Variants in ASAP1 observed in about 807,000 individuals in gnomAD.
ASAP1 encodes arf-GAP with SH3 domain, ANK repeat and PH domain-containing protein 1.
Under a neutral mutation model 145.2 loss-of-function variants are expected in ASAP1, and 43 were observed. The ratio of observed to expected loss-of-function variants is 0.30; its 90% CI spans 0.23 to 0.38. The LOEUF is 0.38. ASAP1 is among the 10% of genes least tolerant of loss of function. ASAP1 has a pLI of 1.00. For missense variants in ASAP1, 1,018 were observed against 1,355.3 expected (o/e 0.75, Z 3.91); for synonymous variants, 546 against 515.5 (o/e 1.06, Z -0.80).
At chr8:130,361,738 T>C in intron 2 of ASAP1, 2 of 1,535,714 alleles carry the variant, frequency 1.3e-6, no homozygotes, top group South Asian at 1.2e-5. Flanking sequence ...CACCTCTCAT[T>C]TTCTCAAATA....
At chr8:130,230,665 T>C (rs1351817620) in intron 4 of ASAP1, among the ~76,000 whole-genome samples, 2 of 152,212 alleles carry the variant, frequency 1.3e-5, no homozygotes, top group Admixed American at 6.5e-5. Context: ...AGTATTTCTA[T>C]CTAAAGCCTT....
intron 3 of ASAP1, among the ~76,000 whole-genome samples, chr8:130,256,759 A>ATATATATATATCCT (rs1819575811): frequency 6.3e-5 from 6 of 95,740 alleles, no homozygotes; most frequent in South Asian, 4.9e-4. Context: ...ATATATATAT[A>ATATATATATATCCT]TATATATATA....
intron 3 of ASAP1, among the ~76,000 whole-genome samples, chr8:130,293,807 A>G (rs1415887551): frequency 6.6e-6 from 1 of 152,228 alleles, no homozygotes; most frequent in Non-Finnish European, 1.5e-5. Flanking sequence ...GTGCTCAAAT[A>G]TCTGTAAAAA....
At chr8:130,072,825 G>GTGCGCGCGCGCGCGCGCGCGCGCGCGCA in intron 27 of ASAP1, among the ~76,000 whole-genome samples, 1 of 54,098 alleles carries the variant, frequency 1.8e-5, no homozygotes, top group African/African-American at 9.1e-5. Flanking sequence ...GTGTGTGTGT[G>GTGCGCGCGCGCGCGCGCGCGCGCGCGCA]CGCGCGGGGG....
rs376038180 is a variant in ASAP1, at chr8:130,168,353, C to A, written c.822+639G>T. On this transcript the variant is annotated intron_variant, in intron 10 of 29. Coordinates refer to ENST00000518721, the MANE Select transcript of ASAP1 (RefSeq NM_018482.4). ...AAAACAAAACAAAACAAAACAAAAA[C>A]CCTTATAAATCAAAGGCGTGGTGGC... Among the ~76,000 whole-genome samples, 179 of 151,992 alleles carry A rather than the reference C, an allele frequency of 1.2e-3. 2 individuals are homozygous for A. The South Asian group carries it at 0.035, about 30-fold the overall frequency.
intron 24 of ASAP1, among the ~76,000 whole-genome samples, chr8:130,100,865 T>C (rs2097527601): frequency 6.6e-6 from 1 of 152,220 alleles, no homozygotes; most frequent in Admixed American, 6.5e-5. Flanking sequence ...GTCTATTTTT[T>C]TGTTGCCTGT....
intron 6 of ASAP1, among the ~76,000 whole-genome samples, chr8:130,187,595 T>TTCTGTCTA (rs1217614880): frequency 1.3e-5 from 2 of 152,228 alleles, no homozygotes; most frequent in East Asian, 3.9e-4. Flanking sequence ...CTTGTACTTC[T>TTCTGTCTA]TCTGTAGACA....
intron 1 of ASAP1, among the ~76,000 whole-genome samples, chr8:130,416,295 G>A (rs541005408): frequency 1.6e-4 from 24 of 152,296 alleles, no homozygotes; most frequent in African/African-American, 5.5e-4. Context: ...CCCACACTCC[G>A]TCTCTTCCTC....
At chr8:130,062,207 C>T (rs966267111) in intron 27 of ASAP1, among the ~76,000 whole-genome samples, 1 of 152,216 alleles carries the variant, frequency 6.6e-6, no homozygotes, top group South Asian at 2.1e-4. Context: ...ATAGCCTGCA[C>T]TCAGGGAGGA....
intron 5 of ASAP1, among the ~76,000 whole-genome samples, chr8:130,213,879 G>A (rs1816733214): frequency 6.6e-6 from 1 of 152,100 alleles, no homozygotes. Context: ...AGCACAACAT[G>A]GGGATGCCCA....
In ASAP1 at chr8:130,132,100, T is replaced by C. The variant is rs539606044; in HGVS notation, c.1217+2196A>G. Among the ~76,000 whole-genome samples, 5 of 152,254 alleles carry C rather than the reference T, an allele frequency of 3.3e-5. No homozygotes were observed. The East Asian group carries it at 7.7e-4, about 24-fold the overall frequency. On this transcript the variant is annotated intron_variant, in intron 15 of 29. Transcript: ENST00000518721. Reference sequence around the variant, plus strand: ...TGAAATCGGAGAAGGAGAAACAATATTCCAAGGTGACTGTGGAATTCTATC... The same window carrying C: ...TGAAATCGGAGAAGGAGAAACAATACTCCAAGGTGACTGTGGAATTCTATC...
Position 130,112,078 on chromosome 8 carries a change from T to C in ASAP1, c.2401+16A>G. 6.2e-7 allele frequency: 1 copy of C among 1,608,008 alleles called. No individual in the cohort carries two copies. The highest frequency in any genetic ancestry group is 8.5e-7 in the Non-Finnish European group (1 of 1,174,804). On this transcript the variant is annotated intron_variant, in intron 24 of 29. Transcript: ENST00000518721. ...CCTTCGAGGATGGAGTCACAAGCCC[T>C]TCTCAAAGCCCATACCTTTCCCGGC...
intron 5 of ASAP1, among the ~76,000 whole-genome samples, chr8:130,212,015 C>A (rs1037578233): frequency 6.6e-6 from 1 of 152,140 alleles, no homozygotes; most frequent in African/African-American, 2.4e-5. Context: ...AGAACCCTGA[C>A]CCCCTCGGGG....
Position 130,214,704 on chromosome 8 carries a change from A to G in ASAP1, c.260-3T>C, listed in dbSNP as rs1816787733. On this transcript the variant is annotated splice_polypyrimidine_tract_variant and splice_region_variant and intron_variant, in intron 4 of 29. Transcript: ENST00000518721. The stretch of plus-strand genomic sequence containing the variant: ...GTTTTCTTCATTTTGTACATGATCT[A>G]AAAACAAAAAAGAAGAAGAAAGGAG... 1 of 1,577,628 alleles carries G rather than the reference A, an allele frequency of 6.3e-7. No individual in the cohort carries two copies. The highest frequency in any genetic ancestry group is 1.4e-5 in the African/African-American group (1 of 72,612).
chr8:130,107,023 T>C (rs150012547), intron 24 of ASAP1, among the ~76,000 whole-genome samples: 2 of 152,312 alleles, frequency 1.3e-5, no homozygotes, highest in African/African-American at 2.4e-5. Flanking sequence ...AGTCATTTCA[T>C]AGACATTATT....
intron 5 of ASAP1, among the ~76,000 whole-genome samples, chr8:130,212,130 TG>T (rs988756203): frequency 6.6e-6 from 1 of 152,212 alleles, no homozygotes; most frequent in Non-Finnish European, 1.5e-5. Flanking sequence ...AGCAGAAAGT[TG>T]CTGGCTGTTG....
At chr8:130,123,218 T>A (rs2097569380) in intron 18 of ASAP1, among the ~76,000 whole-genome samples, 1 of 152,184 alleles carries the variant, frequency 6.6e-6, no homozygotes, top group Non-Finnish European at 1.5e-5. Context: ...AGTCAAAGGG[T>A]AAGTACATTT....
At chr8:130,301,246 C>T (rs1270842539) in intron 3 of ASAP1, among the ~76,000 whole-genome samples, 1 of 152,198 alleles carries the variant, frequency 6.6e-6, no homozygotes, top group Non-Finnish European at 1.5e-5. Flanking sequence ...CCAATGCCTG[C>T]TCTTTGAGAA....
intron 24 of ASAP1, among the ~76,000 whole-genome samples, chr8:130,106,619 T>G (rs2097537207): frequency 6.6e-6 from 1 of 152,238 alleles, no homozygotes; most frequent in African/African-American, 2.4e-5. Context: ...TGGCCACCTA[T>G]TTCTGGGACA....
Sources: allele counts gnomAD v4.1 joint callset (sites outside exome capture counted in the v4.1 genomes callset), GRCh38; gene constraint gnomAD v4.1.1; transcripts MANE v1.5; gene names NCBI Gene and HGNC (gene_info 2026-07-23, HGNC 2026-07-21).